KLHDC1: variants seen among roughly 807,000 people sequenced by gnomAD.
KLHDC1 encodes the protein kelch domain containing 1, also known as kelch domain-containing protein 1.
In KLHDC1, 53 loss-of-function variants were observed where a neutral mutation model predicts 68.3. The observed-to-expected ratio is 0.78, with a 90% CI of 0.62 to 0.98. The LOEUF is 0.98. Among genes scored for constraint, KLHDC1 ranks in the 50% least tolerant of loss-of-function variants. The probability of loss-of-function intolerance (pLI) is 0.00; values close to 1 mark genes in which losing one functional copy is unlikely to be tolerated. For synonymous variants in KLHDC1, 148 were observed against 159.0 expected (o/e 0.93, Z 0.52); for missense variants, 470 against 492.3 (o/e 0.95, Z 0.43).
chr14:49,715,019 T>C (rs1888333767), intron 4 of KLHDC1, among the ~76,000 whole-genome samples: 1 of 147,626 alleles, frequency 6.8e-6, no homozygotes, highest in South Asian at 2.1e-4. Context: ...TTTATCTATT[T>C]TATATTTTAT....
Position 49,693,748 on chromosome 14 carries a change from C to CTTTTTTTTT in KLHDC1, c.96+466_96+474dup, listed in dbSNP as rs1231129663. On this transcript the variant is annotated intron_variant, in intron 1 of 12. Coordinates refer to ENST00000359332, the MANE Select transcript of KLHDC1 (RefSeq NM_172193.3). ...TAAATATTTATTTTCTTTTCTTTTT[C>CTTTTTTTTT]TTTTTTTTTTTTTTTTGAGATGGAG... Among the ~76,000 whole-genome samples the CTTTTTTTTT allele has an allele frequency of 2.8e-3, 172 of 61,542 alleles. 51 individuals carry two copies. Among genetic ancestry groups the CTTTTTTTTT allele is most frequent in the South Asian group, 6.3e-3 (6 of 956 alleles). The allele number at this position is 61,542 out of a possible 152,430, so 40.4% of individuals were successfully genotyped here. A position where few individuals can be genotyped will look rare whatever the true frequency, so the allele number is the denominator to read the frequency against.
At chr14:49,713,841 TATATATATA>T (rs1458431282) in intron 4 of KLHDC1, among the ~76,000 whole-genome samples, 5 of 11,612 alleles carry the variant, frequency 4.3e-4, no homozygotes, top group Admixed American at 2.3e-3. Context: ...TATATATATA[TATATATATA>T]TTTTTTTTTT....
At chr14:49,694,123 A>G (rs1179355939) in intron 1 of KLHDC1, among the ~76,000 whole-genome samples, 3 of 152,100 alleles carry the variant, frequency 2.0e-5, no homozygotes, top group Non-Finnish European at 2.9e-5. Context: ...TAGTCTCAAA[A>G]TAGACGCATG....
chr14:49,714,795 A>G (rs1301250367), intron 4 of KLHDC1, among the ~76,000 whole-genome samples: 1 of 149,914 alleles, frequency 6.7e-6, no homozygotes, highest in Non-Finnish European at 1.5e-5. Context: ...AATGTATGGT[A>G]TATGTTATAT....
intron 11 of KLHDC1, 48 bp from the exon 12 acceptor site, chr14:49,743,703 CAT>C (rs776067662): frequency 1.3e-5 from 13 of 1,035,154 alleles, no homozygotes; most frequent in African/African-American, 4.9e-5. Flanking sequence ...ATTATTAACT[CAT>C]TGTTATTTTT....
At chr14:49,735,225 A>G (rs968584632) in intron 10 of KLHDC1, among the ~76,000 whole-genome samples, 2 of 151,902 alleles carry the variant, frequency 1.3e-5, no homozygotes, top group Non-Finnish European at 2.9e-5. Context: ...TTAAACTACA[A>G]AGAAAACCAC....
chr14:49,700,190 G>A lies in KLHDC1; in HGVS notation c.96+6900G>A, dbSNP rs146575133. The A allele has an allele frequency of 3.0e-3, 630 of 207,344 alleles. 4 individuals are homozygous for A. Among genetic ancestry groups the A allele is most frequent in the African/African-American group, 0.014 (582 of 41,890 alleles). 12.8% of individuals were successfully genotyped at this position (207,344 alleles called of 1,614,324 possible). On this transcript the variant is annotated intron_variant, in intron 1 of 12. Coordinates refer to ENST00000359332, the MANE Select transcript of KLHDC1 (RefSeq NM_172193.3). ...TACAGGTGCTTCCCACCATGCCCAG[G>A]TAATTACTGTATTTTTAGTAGAGAC...
intron 12 of KLHDC1, 68 bp from the exon 13 acceptor site, chr14:49,751,518 T>G: frequency 1.4e-6 from 1 of 730,922 alleles, no homozygotes; most frequent in South Asian, 4.2e-5. Flanking sequence ...AAAGAATTCT[T>G]AACTATAAAT....
intron 6 of KLHDC1, among the ~76,000 whole-genome samples, chr14:49,728,392 G>T (rs1296466105): frequency 6.6e-6 from 1 of 152,232 alleles, no homozygotes; most frequent in Non-Finnish European, 1.5e-5. Flanking sequence ...GTAGAGAAGT[G>T]TTATCAATTA....
At chr14:49,719,697 C>T (rs1888477164) in intron 4 of KLHDC1, among the ~76,000 whole-genome samples, 1 of 152,078 alleles carries the variant, frequency 6.6e-6, no homozygotes, top group South Asian at 2.1e-4. Context: ...TCCCAAAGTG[C>T]TGGGATTACA....
intron 4 of KLHDC1, among the ~76,000 whole-genome samples, chr14:49,719,494 T>G (rs929412586): frequency 7.2e-5 from 11 of 151,804 alleles, no homozygotes; most frequent in African/African-American, 2.7e-4. Flanking sequence ...AGTGATGCGA[T>G]CTGAGCTCAC....
At chr14:49,713,248 C>T (rs1352777870) in intron 4 of KLHDC1, among the ~76,000 whole-genome samples, 1 of 152,276 alleles carries the variant, frequency 6.6e-6, no homozygotes, top group South Asian at 2.1e-4. Flanking sequence ...GCTACCGCGC[C>T]CAGCCCATAG....
chr14:49,704,295 T>TA (rs1463190709), intron 1 of KLHDC1, among the ~76,000 whole-genome samples: 1 of 152,140 alleles, frequency 6.6e-6, no homozygotes, highest in Non-Finnish European at 1.5e-5. Flanking sequence ...TTGCTTTTTT[T>TA]AACTAATTTA....
In KLHDC1 at chr14:49,693,250, T is replaced by C. The variant is rs1006578111; in HGVS notation, c.56T>C (p.Val19Ala). 2.5e-6 allele frequency: 4 copies of C among 1,571,488 alleles called. No homozygotes were observed. The African/African-American group carries it at 4.2e-5, about 17-fold the overall frequency. Reference protein sequence around the residue: ...VAEERSGHCAVVDGNFLYVWG... With the variant: ...VAEERSGHCAAVDGNFLYVWG... ...GAGGAACGCAGCGGCCACTGCGCCG[T>C]GGTGGACGGAAACTTCCTCTACGTG... is the stretch of plus-strand genomic sequence containing the variant. Residue 19 changes from valine to alanine, a missense_variant, in exon 1 of 13, where the codon GTG (valine) becomes GCG (alanine). Coordinates refer to ENST00000359332, the MANE Select transcript of KLHDC1 (RefSeq NM_172193.3).
At chr14:49,732,993 G>T (rs112513994) in intron 9 of KLHDC1, among the ~76,000 whole-genome samples, 177 bp downstream of exon 9, 1 of 152,036 alleles carries the variant, frequency 6.6e-6, no homozygotes, top group Non-Finnish European at 1.5e-5. Context: ...GGCTCTCCAC[G>T]TTCCCCTGTT....
intron 1 of KLHDC1, among the ~76,000 whole-genome samples, chr14:49,695,022 G>A (rs1398728863): frequency 6.6e-6 from 1 of 152,134 alleles, no homozygotes; most frequent in Non-Finnish European, 1.5e-5. Context: ...AGGTTGGAGT[G>A]GCTGTGGCAG....
chr14:49,709,651 G>A, intron 2 of KLHDC1, 58 bp from the exon 3 acceptor site: 1 of 922,102 alleles, frequency 1.1e-6, no homozygotes, highest in Non-Finnish European at 1.6e-6. Flanking sequence ...GGAGTTTAAA[G>A]AGAATTTTAA....
intron 6 of KLHDC1, among the ~76,000 whole-genome samples, chr14:49,726,304 C>G (rs534182823): frequency 6.6e-6 from 1 of 152,262 alleles, no homozygotes; most frequent in African/African-American, 2.4e-5. Flanking sequence ...TCACTTGAGT[C>G]CAGGAGTTTG....
At position 49,732,691 on chromosome 14, in the gene KLHDC1, C is replaced by G. The variant is rs1450410460; in HGVS notation, c.711-13C>G. Reference sequence around the variant, plus strand: ...AATATAGTACCTAGACTTTCTTTTTCTCCTTGCCACAGGATTACTATTAAT... The same window carrying G: ...AATATAGTACCTAGACTTTCTTTTTGTCCTTGCCACAGGATTACTATTAAT... On this transcript the variant is annotated splice_polypyrimidine_tract_variant and intron_variant, in intron 8 of 12. Coordinates refer to ENST00000359332, the MANE Select transcript of KLHDC1 (RefSeq NM_172193.3). 1 of 1,320,804 alleles carries G rather than the reference C, an allele frequency of 7.6e-7. No homozygotes were observed. The highest frequency in any genetic ancestry group is 1.2e-5 in the South Asian group (1 of 82,558). 81.8% of individuals were successfully genotyped at this position (1,320,804 alleles called of 1,614,324 possible).
Sources: gnomAD v4.1 joint callset for allele counts (sites outside exome capture counted in the v4.1 genomes callset) on GRCh38, gnomAD v4.1.1 for gene constraint, MANE v1.5 for transcripts, NCBI Gene and HGNC (gene_info 2026-07-23, HGNC 2026-07-21) for gene names.